The following ABR variants were observed in gnomAD, a reference collection of about 807,000 sequenced individuals.
ABR encodes the protein active breakpoint cluster region-related protein.
Under a neutral mutation model 107.2 loss-of-function variants are expected in ABR, and 35 were observed. The ratio of observed to expected loss-of-function variants is 0.33; its 90% CI spans 0.25 to 0.43. The LOEUF (loss-of-function observed/expected upper bound fraction) is 0.43. Among genes scored for constraint, ABR ranks in the 20% least tolerant of loss-of-function variants. The pLI is 1.00. For synonymous variants in ABR, 498 were observed against 462.0 expected (o/e 1.08, Z -1.00); for missense variants, 815 against 1,115.2 (o/e 0.73, Z 3.83).
At chr17:1,044,997 G>T (rs2031338705) in intron 16 of ABR, among the ~76,000 whole-genome samples, 1 of 152,204 alleles carries the variant, frequency 6.6e-6, no homozygotes, top group Non-Finnish European at 1.5e-5. Flanking sequence ...TACAGCTCTA[G>T]AGAAAAGGAG....
At chr17:1,105,343 T>C (rs1199772773) in intron 2 of ABR, among the ~76,000 whole-genome samples, 2 of 152,112 alleles carry the variant, frequency 1.3e-5, no homozygotes, top group Admixed American at 1.3e-4. Context: ...CTACACGTAT[T>C]TGAAATCGTA....
upstream of ABR, among the ~76,000 whole-genome samples, chr17:1,189,453 A>G (rs145008435): frequency 0.017 from 2,549 of 149,480 alleles, 37 homozygotes; most frequent in Non-Finnish European, 0.024. Context: ...AGTTCAAGTG[A>G]TTCTCCCGCC....
In ABR at chr17:1,057,132, G is replaced by A. The variant is rs374410941; in HGVS notation, c.1382-30C>T. 5.6e-5 allele frequency: 82 copies of A among 1,472,498 alleles called. 1 individual carries two copies. Among genetic ancestry groups the A allele is most frequent in the South Asian group, 4.2e-4 (37 of 87,744 alleles). 91.2% of individuals were successfully genotyped at this position (1,472,498 alleles called of 1,614,324 possible). A position where few individuals can be genotyped will look rare whatever the true frequency, so the allele number is the denominator to read the frequency against. The stretch of plus-strand genomic sequence containing the variant: ...AGGGAGAGCCGAGAGAGAAGGGAGC[G>A]TGGGCACTGGTCCACCAGGACCGGC... On this transcript the variant is annotated intron_variant, in intron 12 of 22. Transcript: ENST00000302538.
At position 1,084,439 on chromosome 17, in the gene ABR, C is replaced by T. The variant is rs1200339840; in HGVS notation, c.532-812G>A. 6.6e-6 allele frequency among the ~76,000 whole-genome samples: 1 copy of T among 152,174 alleles called. No homozygotes were observed. Among genetic ancestry groups the T allele is most frequent in the Non-Finnish European group, 1.5e-5 (1 of 68,028 alleles). On this transcript the variant is annotated intron_variant, in intron 4 of 22. Coordinates refer to ENST00000302538, the MANE Select transcript of ABR (RefSeq NM_021962.5). This position sits in a 1 kb window ranked among gnomAD's most constrained non-coding sequence, Gnocchi z 4.2. ...TCCATTTCCCTTGGCCTTGAGGCCCCGTCCTCACCTCTTCCACCTCCTCTA... is the reference window on the plus strand; with the variant it reads ...TCCATTTCCCTTGGCCTTGAGGCCCTGTCCTCACCTCTTCCACCTCCTCTA...
rs772257229 is a variant in ABR at position 1,050,534 on chromosome 17, C to A, written c.1659+3G>T. ...CACAGAGATGCCAGCCCCTGCCACT[C>A]ACCTCATCCCACTTGGGCTCCGCTG... On this transcript the variant is annotated splice_donor_region_variant and intron_variant, in intron 15 of 22. Coordinates refer to ENST00000302538, the MANE Select transcript of ABR (RefSeq NM_021962.5). This position sits in a 1 kb window ranked among gnomAD's most constrained non-coding sequence, Gnocchi z 4.6. The A allele has an allele frequency of 1.9e-6, 3 of 1,613,716 alleles. No homozygotes were observed. The highest frequency in any genetic ancestry group is 2.5e-6 in the Non-Finnish European group (3 of 1,179,716).
At chr17:1,034,729 C>T (rs1011500830) in intron 16 of ABR, among the ~76,000 whole-genome samples, 1 of 152,130 alleles carries the variant, frequency 6.6e-6, no homozygotes, top group East Asian at 1.9e-4. Flanking sequence ...TCCACGTTTG[C>T]GCCACAGTGC....
chr17:1,142,406 G>A (rs1407017496), intron 1 of ABR, among the ~76,000 whole-genome samples: 1 of 151,992 alleles, frequency 6.6e-6, no homozygotes, highest in Non-Finnish European at 1.5e-5. Flanking sequence ...CCAACATAGA[G>A]AAACCCCGTC....
intron 1 of ABR, among the ~76,000 whole-genome samples, chr17:1,144,170 T>C (rs1354443133): frequency 6.6e-6 from 1 of 152,056 alleles, no homozygotes; most frequent in Non-Finnish European, 1.5e-5. Flanking sequence ...CATCTCTCTG[T>C]AGGAAAGACA....
At chr17:1,093,837 G>A (rs944771059) in intron 3 of ABR, among the ~76,000 whole-genome samples, 1 of 152,148 alleles carries the variant, frequency 6.6e-6, no homozygotes, top group Non-Finnish European at 1.5e-5. Context: ...ACTGGAAGAA[G>A]TCGTCTCATC....
rs1191919713 is a variant in ABR, at chr17:1,194,523, A to C, written c.838+34270T>G. 3.2e-5 allele frequency among the ~76,000 whole-genome samples: 4 copies of C among 125,882 alleles called. 1 individual carries two copies. The highest frequency in any genetic ancestry group is 1.9e-4 in the Admixed American group (2 of 10,410). 82.6% of individuals were successfully genotyped at this position (125,882 alleles called of 152,430 possible). On this transcript the variant is annotated intron_variant, in intron 1 of 22. Coordinates refer to the ABR transcript ENST00000574139. ...TCTTTATTTTTTAGAGACAAGTCTC[A>C]CTCTATCGCCCAGACTGGAGTGTAG...
chr17:1,174,081 G>A (rs2041842393), intron 1 of ABR, among the ~76,000 whole-genome samples: 1 of 152,190 alleles, frequency 6.6e-6, no homozygotes, highest in Admixed American at 6.5e-5. Context: ...TCGCAAGAGT[G>A]AGGCAGAGCC....
intron 1 of ABR, among the ~76,000 whole-genome samples, chr17:1,169,026 T>A (rs149364989): frequency 6.6e-6 from 1 of 152,338 alleles, no homozygotes; most frequent in Non-Finnish European, 1.5e-5. Flanking sequence ...TGGTCTCTCA[T>A]GACCCTCCCC....
chr17:1,195,752 C>T (rs1485018983), intron 1 of ABR, among the ~76,000 whole-genome samples: 1 of 148,150 alleles, frequency 6.7e-6, no homozygotes, highest in Admixed American at 6.8e-5. Context: ...TGCAGTGAGC[C>T]GAGATCGTGT....
intron 1 of ABR, among the ~76,000 whole-genome samples, chr17:1,140,909 G>A (rs1453882383): frequency 5.3e-5 from 8 of 151,976 alleles, no homozygotes; most frequent in Non-Finnish European, 1.0e-4. Context: ...GGGAGGCAGA[G>A]GTTGCAGTGA....
At chr17:1,143,354 G>A (rs1183602387) in intron 1 of ABR, among the ~76,000 whole-genome samples, 10 of 3,678 alleles carry the variant, frequency 2.7e-3, no homozygotes, top group South Asian at 0.026. Context: ...CTCCTGGGGG[G>A]CAGCTCGCTC....
intron 1 of ABR, among the ~76,000 whole-genome samples, chr17:1,174,423 T>A (rs1175910641): frequency 3.3e-5 from 5 of 152,012 alleles, no homozygotes; most frequent in Admixed American, 6.6e-5. Flanking sequence ...GCACACAGGC[T>A]GTCAGACCAG....
chr17:1,029,762 A>G (rs919580426), intron 16 of ABR, among the ~76,000 whole-genome samples: 1 of 152,164 alleles, frequency 6.6e-6, no homozygotes, highest in Non-Finnish European at 1.5e-5. Context: ...GCCTGCGCAC[A>G]GTGAGGTGGG....
intron 1 of ABR, chr17:1,186,692 C>G (rs1306952245): frequency 6.6e-6 from 1 of 152,402 alleles, no homozygotes; most frequent in Non-Finnish European, 1.5e-5. Flanking sequence ...TGGCCCTCAC[C>G]TGACATGGCT....
rs1159670975 is a variant in ABR, at chr17:1,005,743, G to C, written c.*337C>G. On this transcript the variant is annotated 3_prime_UTR_variant, in exon 23 of 23. Transcript: ENST00000302538. ...AAAGAAAGTGCTGGAGGAAATGAAA[G>C]AACAAAGCGGGCTGTCTGTGTGCCC... The C allele has an allele frequency of 2.8e-6, 1 of 358,388 alleles. No individual in the cohort carries two copies. Among genetic ancestry groups the C allele is most frequent in the Non-Finnish European group, 5.2e-6 (1 of 193,434 alleles). 22.2% of individuals were successfully genotyped at this position (358,388 alleles called of 1,614,324 possible). A position where few individuals can be genotyped will look rare whatever the true frequency, so the allele number is the denominator to read the frequency against.
Sources: allele counts gnomAD v4.1 joint callset (sites outside exome capture counted in the v4.1 genomes callset), GRCh38; gene constraint gnomAD v4.1.1; non-coding constraint Gnocchi (gnomAD v3.1); transcripts MANE v1.5; gene names NCBI Gene and HGNC (gene_info 2026-07-23, HGNC 2026-07-21).